ZBTB45: variants seen among roughly 807,000 people sequenced by gnomAD.
ZBTB45 encodes zinc finger and BTB domain containing 45.
Under a neutral mutation model 28.4 loss-of-function variants are expected in ZBTB45, and 22 were observed. The ratio of observed to expected loss-of-function variants is 0.77; its 90% CI spans 0.55 to 1.10. ZBTB45 has a LOEUF of 1.10. Ranked by LOEUF, ZBTB45 falls within the 50% of genes least tolerant of loss-of-function variation. The pLI is 0.00. For missense variants in ZBTB45, 656 were observed against 750.2 expected, an observed-to-expected ratio of 0.87 and a Z score of 1.47; for synonymous variants, 361 against 332.3, an observed-to-expected ratio of 1.09 and a Z score of -0.94.
intron 1 of ZBTB45, among the ~76,000 whole-genome samples, chr19:58,538,063 C>G (rs2053670082): frequency 6.6e-6 from 1 of 152,046 alleles, no homozygotes; most frequent in Non-Finnish European, 1.5e-5. Context: ...GTGGCGAACT[C>G]CCGACCTCAG....
intron 1 of ZBTB45, among the ~76,000 whole-genome samples, chr19:58,534,565 T>C (rs1360955378): frequency 2.0e-5 from 3 of 150,174 alleles, no homozygotes; most frequent in Admixed American, 6.6e-5. Flanking sequence ...AATTTTTTTT[T>C]TTTTTTTTTG....
At chr19:58,530,810 A>G (rs2053632342) in intron 1 of ZBTB45, among the ~76,000 whole-genome samples, 1 of 151,764 alleles carries the variant, frequency 6.6e-6, no homozygotes, top group Non-Finnish European at 1.5e-5. Flanking sequence ...CAGCCTCCCA[A>G]GTAGCTGGGA....
At chr19:58,517,709 C>G (rs571930538) in intron 1 of ZBTB45, 36 bp from the exon 2 acceptor site, 1 of 1,582,280 alleles carries the variant, frequency 6.3e-7, no homozygotes, top group East Asian at 2.2e-5. Flanking sequence ...GAGAGGTCAA[C>G]TGAGGACCCC....
intron 1 of ZBTB45, among the ~76,000 whole-genome samples, chr19:58,530,312 T>G (rs2122592530): frequency 6.6e-6 from 1 of 152,276 alleles, no homozygotes; most frequent in Non-Finnish European, 1.5e-5. Flanking sequence ...GTTTCTACTT[T>G]TAGTGTTTTT....
In ZBTB45 at chr19:58,517,454, C is replaced by A. The variant is rs781131614; in HGVS notation, c.220G>T (p.Val74Leu). 8 of 1,613,046 alleles carry A rather than the reference C, an allele frequency of 5.0e-6. No individual in the cohort carries two copies. The East Asian group carries it at 1.8e-4, about 36-fold the overall frequency. The change falls in exon 2 of 3, where the codon GTG becomes TTG. Residue 74 changes from valine (V) to leucine (L), a missense_variant. By Grantham distance (32) the Val-to-Leu change is conservative (BLOSUM62 1). Transcript: ENST00000594051. Reference protein sequence around the residue: ...LGHSEIRVPPVVPAQTVRQLV... With the variant: ...LGHSEIRVPPLVPAQTVRQLV... The stretch of plus-strand genomic sequence containing the variant: ...TGTCGCACTGTCTGCGCGGGCACCA[C>A]CGGAGGCACACGGATCTCAGAGTGG...
At chr19:58,538,734 A>G (rs935671667) in exon 1 of ZBTB45, 6 of 152,120 alleles carry the variant, frequency 3.9e-5, no homozygotes, top group African/African-American at 1.5e-4. Context: ...AATGGGTTTC[A>G]TGGTTGTTCG....
chr19:58,524,433 A>ATGTGTGTGTGTG (rs1364446202), upstream of ZBTB45, among the ~76,000 whole-genome samples: 22 of 111,792 alleles, frequency 2.0e-4, no homozygotes, highest in East Asian at 1.5e-3. Flanking sequence ...GTGTGTTCAT[A>ATGTGTGTGTGTG]TATGTGTGTG....
chr19:58,530,779 G>A (rs369397667), intron 1 of ZBTB45, among the ~76,000 whole-genome samples: 46 of 150,548 alleles, frequency 3.1e-4, no homozygotes, highest in African/African-American at 1.0e-3. Flanking sequence ...CGCCTCCCGG[G>A]TTCACGCCAT....
chr19:58,516,420 G>A lies in ZBTB45; in HGVS notation c.1254C>T (p.Tyr418=). 2 of 1,614,032 alleles carry A rather than the reference G, an allele frequency of 1.2e-6. No homozygotes were observed. Among genetic ancestry groups the A allele is most frequent in the Non-Finnish European group, 1.7e-6 (2 of 1,179,888 alleles). Residue 418 remains tyrosine, a synonymous_variant, in exon 2 of 3, where the codon TAC becomes TAT. Transcript: ENST00000594051. This position sits in a 1 kb window ranked among gnomAD's most constrained non-coding sequence, Gnocchi z 6.2. ...CCGAGTGGATGAACATGTGCTTGGT[G>A]TAGTTTTTCCGGGAGCTGAACGTCT... The part of the protein sequence containing the change: ...CRKTFSSRKN[Y]TKHMFIHSGE...
intron 1 of ZBTB45, among the ~76,000 whole-genome samples, chr19:58,528,676 C>T (rs375443328): frequency 1.5e-3 from 225 of 152,164 alleles, no homozygotes; most frequent in African/African-American, 5.1e-3. Context: ...GGGCGGATCA[C>T]GAGGTCAGGA....
At chr19:58,534,626 G>C (rs1490830641) in intron 1 of ZBTB45, among the ~76,000 whole-genome samples, 1 of 141,258 alleles carries the variant, frequency 7.1e-6, no homozygotes, top group Non-Finnish European at 1.5e-5. Context: ...GCGCAATCTC[G>C]GCTCACTGCA....
At position 58,532,593 on chromosome 19, in the gene ZBTB45, C is replaced by T. The variant is rs937834330; in HGVS notation, c.-1+6108G>A. On this transcript the variant is annotated intron_variant, in intron 1 of 1. Transcript: ENST00000600130. The stretch of plus-strand genomic sequence containing the variant: ...TGGAGTTTCGCGCTTATCGCCAAGG[C>T]TGGAGTGCAGTGTCACAATCTCAGC... Among the ~76,000 whole-genome samples, 17 of 152,166 alleles carry T rather than the reference C, an allele frequency of 1.1e-4. 1 individual carries two copies. Among genetic ancestry groups the T allele is most frequent in the Non-Finnish European group, 1.5e-5 (1 of 68,040 alleles).
At chr19:58,536,055 C>T (rs1322080748) in intron 1 of ZBTB45, among the ~76,000 whole-genome samples, 2 of 152,026 alleles carry the variant, frequency 1.3e-5, no homozygotes, top group African/African-American at 4.8e-5. Context: ...TCAGCAGGGC[C>T]ATACCCTAGA....
chr19:58,514,354 A>G (rs771109451), intron 2 of ZBTB45, 44 bp from the exon 3 acceptor site: 1 of 1,455,284 alleles, frequency 6.9e-7, no homozygotes. Flanking sequence ...CAGACTCTAC[A>G]GCTCCCCGCC....
At position 58,530,523 on chromosome 19, in the gene ZBTB45, C is replaced by T. The variant is rs1208958225; in HGVS notation, c.-1+8178G>A. Among the ~76,000 whole-genome samples, 5 of 151,568 alleles carry T rather than the reference C, an allele frequency of 3.3e-5. No individual in the cohort carries two copies. The East Asian group carries it at 9.8e-4, about 30-fold the overall frequency. On this transcript the variant is annotated intron_variant, in intron 1 of 1. Coordinates refer to the ZBTB45 transcript ENST00000600130. ...GTTTCTCCATGTTGGCCAGGCTGGT[C>T]TCAAACTCCCGACCTCAGGTGATCT...
In ZBTB45 at chr19:58,513,972, G is replaced by A. The variant is rs983505346; in HGVS notation, c.*82C>T. ...AGGAGGGAGCGTGGTCTAGTGGCGG[G>A]AACCACGGGTCCCGCAGCGGGCGTG... On this transcript the variant is annotated 3_prime_UTR_variant, in exon 3 of 3. Transcript: ENST00000594051. 894 of 1,342,858 alleles carry A rather than the reference G, an allele frequency of 6.7e-4. 1 individual carries two copies. The highest frequency in any genetic ancestry group is 3.8e-3 in the Middle Eastern group (14 of 3,686). 83.2% of individuals were successfully genotyped at this position (1,342,858 alleles called of 1,614,324 possible). A position where few individuals can be genotyped will look rare whatever the true frequency, so the allele number is the denominator to read the frequency against.
chr19:58,528,964 A>T (rs1218299253), intron 1 of ZBTB45, among the ~76,000 whole-genome samples: 1 of 148,378 alleles, frequency 6.7e-6, no homozygotes, highest in Non-Finnish European at 1.5e-5. Context: ...CATGCCTGTA[A>T]TGCCAGCTAC....
upstream of ZBTB45, among the ~76,000 whole-genome samples, chr19:58,524,628 A>G (rs1443562981): frequency 6.6e-6 from 1 of 151,896 alleles, no homozygotes; most frequent in Non-Finnish European, 1.5e-5. Context: ...TCACACCTGT[A>G]ATCCCAGCAC....
intron 1 of ZBTB45, among the ~76,000 whole-genome samples, chr19:58,530,604 C>A (rs1161573781): frequency 6.6e-6 from 1 of 152,122 alleles, no homozygotes; most frequent in Non-Finnish European, 1.5e-5. Context: ...CCGTGCCTGG[C>A]CCTACTTTTA....
Sources: allele counts gnomAD v4.1 joint callset (sites outside exome capture counted in the v4.1 genomes callset), GRCh38; gene constraint gnomAD v4.1.1; non-coding constraint Gnocchi (gnomAD v3.1); transcripts MANE v1.5; gene names NCBI Gene and HGNC (gene_info 2026-07-23, HGNC 2026-07-21).